The following CLEC12A variants were observed in gnomAD, a reference collection of about 807,000 sequenced individuals.
The protein encoded by CLEC12A is C-type lectin protein CLL-1.
A neutral mutation model predicts 26.5 loss-of-function variants in CLEC12A; 22 were observed. The ratio of observed to expected loss-of-function variants is 0.83; its 90% CI spans 0.59 to 1.19. The LOEUF (loss-of-function observed/expected upper bound fraction) is 1.19, where lower values mean the gene tolerates loss of function less well. Ranked by LOEUF, CLEC12A falls within the 50% of genes most tolerant of loss-of-function variation. The probability of loss-of-function intolerance (pLI) is 0.00; values close to 1 mark genes in which losing one functional copy is unlikely to be tolerated. For missense variants in CLEC12A, 353 were observed against 315.6 expected (o/e 1.12, Z -0.90); for synonymous variants, 119 against 101.9 (o/e 1.17, Z -1.01).
rs187025027 is a variant in CLEC12A at position 9,995,015 on chromosome 12, T to C, written n.1005-3T>C. 5,140 of 1,572,286 alleles carry C rather than the reference T, an allele frequency of 3.3e-3. 17 individuals are homozygous for C. The highest frequency in any genetic ancestry group is 4.0e-3 in the Non-Finnish European group (4,682 of 1,159,328). On this transcript the variant is annotated splice_polypyrimidine_tract_variant and splice_region_variant and intron_variant and non_coding_transcript_variant, in intron 4 of 4. Coordinates refer to the CLEC12A transcript ENST00000449959. ...ATGACCAGCGCTGTCTTGTTTGAAT[T>C]AGCAGGTAAGTGACCCAGCTGCTGC...
intron 1 of CLEC12A, among the ~76,000 whole-genome samples, chr12:9,958,125 A>G (rs7303131): frequency 0.31 from 47,811 of 152,088 alleles, 7,948 homozygotes; most frequent in East Asian, 0.47. Context: ...TAGAGGGTAT[A>G]ATGTGAAGGA....
intron 5 of CLEC12A, 108 bp from the exon 6 acceptor site, chr12:9,984,762 A>G: frequency 2.9e-6 from 3 of 1,025,114 alleles, no homozygotes; most frequent in Non-Finnish European, 3.9e-6. Context: ...AGTTTAAACA[A>G]CACAGAGTCT....
downstream of CLEC12A, chr12:9,986,226 C>A: frequency 2.4e-6 from 1 of 418,368 alleles, no homozygotes; most frequent in South Asian, 1.7e-5. Context: ...ATTTGTGCGT[C>A]AGAACAGAAA....
chr12:9,990,059 A>C (rs1025064469), downstream of CLEC12A, among the ~76,000 whole-genome samples: 21 of 152,266 alleles, frequency 1.4e-4, no homozygotes, highest in African/African-American at 5.1e-4. Context: ...TCTTTTTTTC[A>C]AAATATTACA....
downstream of CLEC12A, chr12:9,998,525 C>G (rs3818341): frequency 0.27 from 117,577 of 429,024 alleles, 17,791 homozygotes; most frequent in Non-Finnish European, 0.29. Flanking sequence ...GTGTTCTCCT[C>G]ATGATCATCA....
At chr12:9,967,772 G>A (rs531964899), upstream of CLEC12A, among the ~76,000 whole-genome samples, 1 of 152,242 alleles carries the variant, frequency 6.6e-6, no homozygotes, top group East Asian at 1.9e-4. Flanking sequence ...AAGGAGTAGA[G>A]ACACGGAGAG....
intron 1 of CLEC12A, among the ~76,000 whole-genome samples, chr12:9,962,858 T>C (rs1863860718): frequency 6.6e-6 from 1 of 152,190 alleles, no homozygotes; most frequent in Non-Finnish European, 1.5e-5. Flanking sequence ...TGTCTCCTTA[T>C]ATTAATAAGA....
downstream of CLEC12A, chr12:9,996,791 C>T: frequency 1.3e-6 from 2 of 1,580,330 alleles, no homozygotes; most frequent in Non-Finnish European, 1.7e-6. Context: ...TCAAGTGTTA[C>T]ATTTGAGGTT....
chr12:9,960,274 G>T (rs1158494550), intron 1 of CLEC12A, among the ~76,000 whole-genome samples: 1 of 152,046 alleles, frequency 6.6e-6, no homozygotes, highest in Non-Finnish European at 1.5e-5. Flanking sequence ...ACTGTAAAAG[G>T]AATATGCATT....
At chr12:9,979,613 CTT>C (rs1208378489) in intron 3 of CLEC12A, 89 bp downstream of exon 3, 2 of 978,800 alleles carry the variant, frequency 2.0e-6, no homozygotes, top group African/African-American at 3.3e-5. Flanking sequence ...AGCTAGCAGC[CTT>C]TCTCTAGGGA....
chr12:9,970,478 G>T (rs74065429), upstream of CLEC12A, among the ~76,000 whole-genome samples: 4,877 of 152,204 alleles, frequency 0.032, 268 homozygotes, highest in African/African-American at 0.11. Context: ...ATGTCAAGAA[G>T]AATTTTAAAG....
At chr12:9,983,956 G>A (rs1228257645) in intron 5 of CLEC12A, 1 of 198,004 alleles carries the variant, frequency 5.1e-6, no homozygotes. Flanking sequence ...GAGTACAGAT[G>A]GAATCTTGTT....
chr12:9,979,156 A>T, intron 2 of CLEC12A, 92 bp downstream of exon 2: 1 of 1,138,434 alleles, frequency 8.8e-7, no homozygotes, highest in Non-Finnish European at 1.3e-6. Context: ...AAGATTTATA[A>T]TAATGATAGG....
chr12:9,991,748 T>C (rs950982243), intron 4 of CLEC12A: 1 of 152,164 alleles, frequency 6.6e-6, no homozygotes, highest in African/African-American at 2.4e-5. Flanking sequence ...CTTGGTATTC[T>C]GATCGATACT....
At chr12:10,004,032 G>A in the CLEC12A span, among the ~76,000 whole-genome samples, 2 of 152,238 alleles carry the variant, frequency 1.3e-5, no homozygotes, top group Admixed American at 6.5e-5. Context: ...CCTCTTAGCA[G>A]GGTATGTGAC....
At chr12:9,974,734 C>A (rs778669257) in intron 1 of CLEC12A, among the ~76,000 whole-genome samples, 4 of 152,096 alleles carry the variant, frequency 2.6e-5, no homozygotes, top group Non-Finnish European at 5.9e-5. Flanking sequence ...GAAACTCAGA[C>A]ACAGAGATGT....
intron 1 of CLEC12A, among the ~76,000 whole-genome samples, chr12:9,954,216 A>T (rs990185144): frequency 6.7e-6 from 1 of 150,174 alleles, no homozygotes; most frequent in Non-Finnish European, 1.5e-5. Flanking sequence ...AAAAAAAAAA[A>T]AAAAAAAAAA....
downstream of CLEC12A, chr12:9,998,157 T>C (rs1239342496): frequency 4.2e-6 from 3 of 710,090 alleles, no homozygotes; most frequent in African/African-American, 3.6e-5. Context: ...TTGGCAACTA[T>C]CTGTAGGACA....
intron 4 of CLEC12A, among the ~76,000 whole-genome samples, chr12:9,981,124 A>G (rs1164464554): frequency 6.6e-6 from 1 of 152,174 alleles, no homozygotes. Context: ...TGTTTCTACC[A>G]TTTTGTATTT....
Sources: allele counts gnomAD v4.1 joint callset (sites outside exome capture counted in the v4.1 genomes callset), GRCh38; gene constraint gnomAD v4.1.1; transcripts MANE v1.5; gene names NCBI Gene and HGNC (gene_info 2026-07-23, HGNC 2026-07-21).